The following HECTD2 variants were observed in gnomAD, a reference collection of about 807,000 sequenced individuals.
HECTD2 encodes HECT domain E3 ubiquitin protein ligase 2, also known as probable E3 ubiquitin-protein ligase HECTD2.
HECTD2 carries 35 observed loss-of-function variants against 103.2 expected under a neutral mutation model. The observed-to-expected ratio is 0.34, with a 90% CI of 0.26 to 0.45. The LOEUF (loss-of-function observed/expected upper bound fraction) is 0.45. Ranked by LOEUF, HECTD2 falls within the 20% of genes least tolerant of loss-of-function variation. The pLI is 1.00. For synonymous variants in HECTD2, 281 were observed against 329.9 expected, an observed-to-expected ratio of 0.85 and a Z score of 1.61; for missense variants, 596 against 937.4, an observed-to-expected ratio of 0.64 and a Z score of 4.76.
At chr10:91,455,258 CATT>C (rs1845031893) in intron 2 of HECTD2, among the ~76,000 whole-genome samples, 1 of 152,114 alleles carries the variant, frequency 6.6e-6, no homozygotes, top group Non-Finnish European at 1.5e-5. Context: ...TAATGATTGC[CATT>C]CTAACTGGGT....
intron 2 of HECTD2, among the ~76,000 whole-genome samples, chr10:91,435,357 G>T (rs1490761356): frequency 6.6e-6 from 1 of 151,930 alleles, no homozygotes; most frequent in Non-Finnish European, 1.5e-5. Flanking sequence ...AGTACTATAG[G>T]TTCAATCTGT....
intron 5 of HECTD2, chr10:91,463,069 G>A (rs888099042): frequency 6.6e-6 from 1 of 150,524 alleles, no homozygotes; most frequent in African/African-American, 2.5e-5. Context: ...TGAACAATGC[G>A]AGGGTTAGGG....
At chr10:91,486,125 G>A (rs1846257564) in intron 10 of HECTD2, 1 of 152,050 alleles carries the variant, frequency 6.6e-6, no homozygotes, top group Admixed American at 6.6e-5. Context: ...GTGGATATAA[G>A]TAACCTCAAA....
At chr10:91,506,154 GC>G (rs1414880158) in intron 20 of HECTD2, among the ~76,000 whole-genome samples, 15 of 151,548 alleles carry the variant, frequency 9.9e-5, no homozygotes, top group African/African-American at 3.1e-4. Context: ...AGCACTAAAT[GC>G]CCACAAGAGA....
At chr10:91,469,158 G>A (rs1845639521) in intron 5 of HECTD2, among the ~76,000 whole-genome samples, 1 of 152,122 alleles carries the variant, frequency 6.6e-6, no homozygotes, top group Non-Finnish European at 1.5e-5. Context: ...GAGAGGGAGA[G>A]AAAGCAAGCA....
intron 5 of HECTD2, among the ~76,000 whole-genome samples, chr10:91,471,893 A>G (rs150582936): frequency 5.3e-5 from 8 of 152,356 alleles, no homozygotes; most frequent in African/African-American, 1.9e-4. Context: ...GCCCAAAGCA[A>G]TTTACAGTTG....
chr10:91,438,789 A>G (rs1162309491), intron 2 of HECTD2, among the ~76,000 whole-genome samples: 2 of 152,178 alleles, frequency 1.3e-5, no homozygotes, highest in African/African-American at 4.8e-5. Context: ...ATGAGATGGT[A>G]TCTCATTGTG....
At chr10:91,444,080 T>G (rs902452088) in intron 2 of HECTD2, among the ~76,000 whole-genome samples, 4 of 152,160 alleles carry the variant, frequency 2.6e-5, no homozygotes, top group African/African-American at 9.6e-5. Context: ...CTTATTACTA[T>G]TATTTTTTGT....
intron 20 of HECTD2, among the ~76,000 whole-genome samples, chr10:91,509,863 C>G (rs930661182): frequency 2.0e-5 from 3 of 152,048 alleles, no homozygotes; most frequent in African/African-American, 7.3e-5. Context: ...AATCTGTACA[C>G]CAAACCCCCA....
rs565240319 is a variant in HECTD2, at chr10:91,437,517, G to A, written c.268+12107G>A. Among the ~76,000 whole-genome samples the A allele has an allele frequency of 3.7e-4, 56 of 152,028 alleles. No homozygotes were observed. In the South Asian group the frequency reaches 0.011, roughly 31 times the overall value. On this transcript the variant is annotated intron_variant, in intron 2 of 20. Coordinates refer to ENST00000298068, the MANE Select transcript of HECTD2 (RefSeq NM_182765.6). ...CATTAAGCCTGGCTTATATTCAAAG[G>A]GAGGCGAATTAGACTCCATCCTTTG...
chr10:91,412,152 A>G (rs991764772), intron 1 of HECTD2, among the ~76,000 whole-genome samples: 3 of 152,250 alleles, frequency 2.0e-5, no homozygotes, highest in Admixed American at 6.5e-5. Flanking sequence ...GGTCCTAGCC[A>G]GTTCTCTCTA....
At chr10:91,444,200 C>T (rs1400068250) in intron 2 of HECTD2, among the ~76,000 whole-genome samples, 2 of 152,094 alleles carry the variant, frequency 1.3e-5, no homozygotes, top group African/African-American at 2.4e-5. Flanking sequence ...TAAATACAAA[C>T]AGATTCATTC....
At chr10:91,431,961 A>G (rs1205349210) in intron 2 of HECTD2, among the ~76,000 whole-genome samples, 1 of 151,768 alleles carries the variant, frequency 6.6e-6, no homozygotes, top group African/African-American at 2.4e-5. Context: ...AATGACTCTG[A>G]CTCGATGAGT....
intron 20 of HECTD2, among the ~76,000 whole-genome samples, chr10:91,512,034 G>A (rs1471007620): frequency 2.6e-5 from 4 of 152,206 alleles, no homozygotes; most frequent in Non-Finnish European, 5.9e-5. Flanking sequence ...TTTCATGAAA[G>A]TGGTAACATT....
At chr10:91,504,933 C>G (rs1442221266) in intron 20 of HECTD2, among the ~76,000 whole-genome samples, 4 of 152,204 alleles carry the variant, frequency 2.6e-5, no homozygotes, top group Non-Finnish European at 5.9e-5. Context: ...GATCTCTTGG[C>G]AGAAACCCTA....
At chr10:91,466,237 T>A (rs79909213) in intron 5 of HECTD2, among the ~76,000 whole-genome samples, 8,231 of 152,268 alleles carry the variant, frequency 0.054, 317 homozygotes, top group Non-Finnish European at 0.08. Flanking sequence ...TCATAAATTA[T>A]CCTTTTAATG....
Position 91,512,395 on chromosome 10 carries a change from T to G in HECTD2, c.*11T>G, listed in dbSNP as rs1847458691. ...TTTGGACTTGAGTAACCTAGAAGAC[T>G]TGAAATATAATCTTTTATATGTAGC... is the stretch of plus-strand genomic sequence containing the variant. On this transcript the variant is annotated 3_prime_UTR_variant, in exon 21 of 21. Transcript: ENST00000298068. 1.2e-6 allele frequency: 2 copies of G among 1,609,724 alleles called. No homozygotes were observed. The highest frequency in any genetic ancestry group is 1.7e-6 in the Non-Finnish European group (2 of 1,176,764).
intron 1 of HECTD2, among the ~76,000 whole-genome samples, chr10:91,422,490 G>A (rs937560042): frequency 2.2e-4 from 33 of 151,960 alleles, no homozygotes; most frequent in Non-Finnish European, 2.8e-4. Flanking sequence ...GCATTTGTTC[G>A]CACTATTATT....
intron 14 of HECTD2, among the ~76,000 whole-genome samples, chr10:91,495,495 ACTTC>A (rs1846633569): frequency 6.6e-6 from 1 of 152,074 alleles, no homozygotes. Context: ...AAAATGAATT[ACTTC>A]CTTAATAACT....
Sources: allele counts gnomAD v4.1 joint callset (sites outside exome capture counted in the v4.1 genomes callset), GRCh38; gene constraint gnomAD v4.1.1; transcripts MANE v1.5; gene names NCBI Gene and HGNC (gene_info 2026-07-23, HGNC 2026-07-21).